The following SMPD3 variants were observed in gnomAD, a reference collection of about 807,000 sequenced individuals.
SMPD3 encodes the protein sphingomyelin phosphodiesterase 3, also known as nSMase-2.
In SMPD3, 21 loss-of-function variants were observed where a neutral mutation model predicts 55.7. The ratio of observed to expected loss-of-function variants is 0.38; its 90% CI spans 0.27 to 0.54. The LOEUF is 0.54. Ranked by LOEUF, SMPD3 falls within the 20% of genes least tolerant of loss-of-function variation. SMPD3 has a pLI of 0.80. For missense variants in SMPD3, 842 were observed against 899.6 expected (o/e 0.94, Z 0.82); for synonymous variants, 457 against 404.3 (o/e 1.13, Z -1.56).
intron 1 of SMPD3, among the ~76,000 whole-genome samples, chr16:68,397,962 C>T (rs953319651): frequency 3.9e-5 from 6 of 151,982 alleles, no homozygotes; most frequent in Admixed American, 2.6e-4. Flanking sequence ...GGATGACAAC[C>T]ACAGGGAGGA....
At chr16:68,416,486 C>T (rs545979875) in intron 1 of SMPD3, among the ~76,000 whole-genome samples, 4 of 152,324 alleles carry the variant, frequency 2.6e-5, no homozygotes, top group African/African-American at 7.2e-5. Flanking sequence ...ACCGGCAAAC[C>T]TTACACAATC....
Position 68,371,781 on chromosome 16 carries a change from A to G in SMPD3, c.401T>C (p.Leu134Pro), listed in dbSNP as rs756442203. The part of the protein sequence containing the change: ...FCFATANVCL[L>P]PDSLARVNNL... ...GTTGACCCTGGCGAGTGAGTCGGGC[A>G]GGAGGCAGACGTTGGCAGTGGCAAA... The change falls in exon 3 of 9, where the codon CTG (leucine) becomes CCG (proline). Residue 134 changes from leucine (L) to proline (P), a missense_variant. Around this residue, in one of 2 missense-constraint regions of SMPD3, gnomAD observed 193 missense variants for 256.0 expected, o/e 0.75. Transcript: ENST00000219334. 1.9e-6 allele frequency: 3 copies of G among 1,610,662 alleles called. No homozygotes were observed. The highest frequency in any genetic ancestry group is 2.5e-6 in the Non-Finnish European group (3 of 1,178,722).
At position 68,364,993 on chromosome 16, in the gene SMPD3, AAC is replaced by A. The variant is rs1457052378; in HGVS notation, c.1399+22_1399+23del. 9.3e-6 allele frequency: 15 copies of A among 1,613,968 alleles called. No individual in the cohort carries two copies. In the Admixed American group the frequency reaches 1.2e-4, roughly 13 times the overall value. Reference sequence around the variant, plus strand: ...AGGCACTGATCCCATGCCTAGAAAAAACACAGGTGGGCGGCAACCCTACCTTG... The same window carrying A: ...AGGCACTGATCCCATGCCTAGAAAAAACAGGTGGGCGGCAACCCTACCTTG... On this transcript the variant is annotated intron_variant, in intron 4 of 8. Transcript: ENST00000219334.
chr16:68,371,352 C>T lies in SMPD3; in HGVS notation c.830G>A (p.Gly277Asp), dbSNP rs1363010012. ...CTGCTGATTATGGTTGGGCGTCTGG[C>T]CCCTTGGGCCCCCGCCAGCTCCGTT... is the stretch of plus-strand genomic sequence containing the variant. The part of the protein sequence containing the change: ...ARNGAGGGPR[G>D]QTPNHNQQDG... The change falls in exon 3 of 9, where the codon GGC (glycine) becomes GAC (aspartate). Residue 277 changes from glycine to aspartate, a missense_variant. Around this residue, in one of 2 missense-constraint regions of SMPD3, gnomAD observed 649 missense variants for 643.6 expected, o/e 1.01. Transcript: ENST00000219334. 1 of 1,578,214 alleles carries T rather than the reference C, an allele frequency of 6.3e-7. No homozygotes were observed. The highest frequency in any genetic ancestry group is 2.2e-5 in the East Asian group (1 of 44,798).
chr16:68,361,039 C>T lies in SMPD3; in HGVS notation c.*167G>A. On this transcript the variant is annotated 3_prime_UTR_variant, in exon 9 of 9. Coordinates refer to ENST00000219334, the MANE Select transcript of SMPD3 (RefSeq NM_018667.4). ...CCTGACTCCTCTGTCCACAGTGAGG[C>T]CCAGAGGCGCAGAGCAGCGCAGCTT... 1.6e-6 allele frequency: 1 copy of T among 634,320 alleles called. No individual in the cohort carries two copies. The highest frequency in any genetic ancestry group is 2.7e-6 in the Non-Finnish European group (1 of 370,706). 39.3% of individuals were successfully genotyped at this position (634,320 alleles called of 1,614,324 possible).
In SMPD3 at chr16:68,371,053, G is replaced by A; in HGVS notation, c.1129C>T (p.Gln377Ter). ...DKRAATKLKE[Q>*]LHGYFEYILY... is the part of the protein sequence containing the mutation. ...ATGTACTCGAAGTAGCCGTGCAGCT[G>A]CTCTTTCAATTTGGTGGCTGCTCGC... Residue 377 changes from glutamine (Q) to a stop codon, truncating the protein, a stop_gained, in exon 3 of 9, where the codon CAG becomes TAG. Transcript: ENST00000219334. LOFTEE classifies it high-confidence loss of function. The A allele has an allele frequency of 6.2e-7, 1 of 1,614,226 alleles. No homozygotes were observed. Among genetic ancestry groups the A allele is most frequent in the Non-Finnish European group, 8.5e-7 (1 of 1,180,048 alleles).
At chr16:68,433,460 G>C (rs777709569) in intron 1 of SMPD3, among the ~76,000 whole-genome samples, 5 of 152,246 alleles carry the variant, frequency 3.3e-5, no homozygotes, top group Non-Finnish European at 7.3e-5. Context: ...TTTGGGGCTA[G>C]AGATGAATTC....
At position 68,361,302 on chromosome 16, in the gene SMPD3, C is replaced by T; in HGVS notation, c.1872G>A (p.Val624=). Residue 624 remains valine, a synonymous_variant, in exon 9 of 9, where the codon GTG becomes GTA. Transcript: ENST00000219334. Reference sequence around the variant, plus strand: ...GCTGGGTGATAAAACTGAATTCTTCCACCTCCTGGGGTGAGTGGGAGAGGG... The same window carrying T: ...GCTGGGTGATAAAACTGAATTCTTCTACCTCCTGGGGTGAGTGGGAGAGGG... ...EGLCPDWKAE[V]EEFSFITQLS... 4 of 1,610,726 alleles carry T rather than the reference C, an allele frequency of 2.5e-6. No homozygotes were observed. Among genetic ancestry groups the T allele is most frequent in the Non-Finnish European group, 3.4e-6 (4 of 1,178,602 alleles).
At chr16:68,400,803 G>A (rs914371167) in intron 1 of SMPD3, among the ~76,000 whole-genome samples, 1 of 152,194 alleles carries the variant, frequency 6.6e-6, no homozygotes, top group African/African-American at 2.4e-5. Context: ...AGTGGGCAGG[G>A]CCAGTCATAC....
At chr16:68,382,224 T>C (rs1308132745) in intron 2 of SMPD3, 1 of 152,058 alleles carries the variant, frequency 6.6e-6, no homozygotes, top group African/African-American at 2.4e-5. Context: ...AGGGTATGGG[T>C]TGGTCACAGG....
intron 7 of SMPD3, among the ~76,000 whole-genome samples, chr16:68,363,218 A>C (rs2089367813): frequency 6.6e-6 from 1 of 152,136 alleles, no homozygotes; most frequent in Non-Finnish European, 1.5e-5. Context: ...CCCAGCAGGC[A>C]GGGGCTCGGG....
At position 68,379,783 on chromosome 16, in the gene SMPD3, A is replaced by G. The variant is rs535579984; in HGVS notation, c.-207+6815T>C. Among the ~76,000 whole-genome samples the G allele has an allele frequency of 1.4e-4, 22 of 152,364 alleles. No homozygotes were observed. In the South Asian group the frequency reaches 4.6e-3, roughly 32 times the overall value. Reference sequence around the variant, plus strand: ...TTACTGCACCGTGTGATTTCTGAGAATAGGAACAGGCTGTGAGCAGCTCTG... The same window carrying G: ...TTACTGCACCGTGTGATTTCTGAGAGTAGGAACAGGCTGTGAGCAGCTCTG... On this transcript the variant is annotated intron_variant, in intron 2 of 8. Transcript: ENST00000219334.
intron 1 of SMPD3, among the ~76,000 whole-genome samples, chr16:68,441,288 A>G (rs2090564065): frequency 6.6e-6 from 1 of 152,202 alleles, no homozygotes; most frequent in Non-Finnish European, 1.5e-5. Context: ...TATGCAGCCC[A>G]AATAGCAGAG....
chr16:68,376,934 G>A (rs2089831383), intron 2 of SMPD3, among the ~76,000 whole-genome samples: 1 of 152,190 alleles, frequency 6.6e-6, no homozygotes, highest in Non-Finnish European at 1.5e-5. Context: ...AAAGGAACCA[G>A]GCTAGAGACC....
chr16:68,435,357 C>T (rs1204359571), intron 1 of SMPD3, among the ~76,000 whole-genome samples: 2 of 152,168 alleles, frequency 1.3e-5, no homozygotes, highest in African/African-American at 4.8e-5. Flanking sequence ...TCAGTGAGGG[C>T]TTTTTCAGTG....
intron 3 of SMPD3, among the ~76,000 whole-genome samples, chr16:68,366,498 A>G (rs1240968633): frequency 6.6e-6 from 1 of 152,226 alleles, no homozygotes; most frequent in African/African-American, 2.4e-5. Flanking sequence ...CGCCCCCCGA[A>G]TGGCTCTGTG....
At position 68,371,243 on chromosome 16, in the gene SMPD3, G is replaced by T. The variant is rs772710645; in HGVS notation, c.939C>A (p.Ala313=). 8.1e-6 allele frequency: 13 copies of T among 1,606,356 alleles called. No individual in the cohort carries two copies. Among genetic ancestry groups the T allele is most frequent in the Non-Finnish European group, 1.1e-5 (13 of 1,177,556 alleles). The part of the protein sequence containing the change: ...VKGRAGPDTS[A]SGEPGANSKL... Reference sequence around the variant, plus strand: ...TGCTGTTGGCACCTGGCTCCCCGCTGGCACTGGTGTCTGGCCCAGCTCGCC... The same window carrying T: ...TGCTGTTGGCACCTGGCTCCCCGCTTGCACTGGTGTCTGGCCCAGCTCGCC... The change falls in exon 3 of 9, where the codon GCC becomes GCA. Residue 313 remains alanine (A), a synonymous_variant. Coordinates refer to ENST00000219334, the MANE Select transcript of SMPD3 (RefSeq NM_018667.4).
chr16:68,363,674 G>T (rs897936417), intron 6 of SMPD3, 103 bp downstream of exon 6: 47 of 1,448,936 alleles, frequency 3.2e-5, no homozygotes, highest in Non-Finnish European at 4.3e-5. Flanking sequence ...GCTGAATGGG[G>T]CCCTTCCCCA....
In SMPD3 at chr16:68,375,942, C is replaced by T. The variant is rs1228946550; in HGVS notation, c.-206-3555G>A. Among the ~76,000 whole-genome samples the T allele has an allele frequency of 3.3e-5, 5 of 152,178 alleles. 1 individual carries two copies. In the South Asian group the frequency reaches 8.3e-4, roughly 25 times the overall value. ...TCCAGGTCCCCCGTCCATAGCCCCT[C>T]GCCAGCTTCCCAGCTGCTGCCCCCT... On this transcript the variant is annotated intron_variant, in intron 2 of 8. Transcript: ENST00000219334.
Sources: allele counts gnomAD v4.1 joint callset (sites outside exome capture counted in the v4.1 genomes callset), GRCh38; gene constraint gnomAD v4.1.1; regional missense constraint gnomAD v4.1.1; transcripts MANE v1.5; gene names NCBI Gene and HGNC (gene_info 2026-07-23, HGNC 2026-07-21).